The following CABLES1 variants were observed in gnomAD, a reference collection of about 807,000 sequenced individuals.
CABLES1 encodes the protein CDK5 and ABL1 enzyme substrate 1.
Under a neutral mutation model 57.8 loss-of-function variants are expected in CABLES1, and 36 were observed. The observed-to-expected ratio is 0.62, with a 90% CI of 0.48 to 0.82. CABLES1 has a LOEUF of 0.82. Among genes scored for constraint, CABLES1 ranks in the 40% least tolerant of loss-of-function variants. CABLES1 has a pLI of 0.00. For synonymous variants in CABLES1, 374 were observed against 363.0 expected, an observed-to-expected ratio of 1.03 and a Z score of -0.35; for missense variants, 767 against 836.6, an observed-to-expected ratio of 0.92 and a Z score of 1.03.
At chr18:23,146,933 ACCAAAATGCTAGGGC>A (rs890060407) in intron 1 of CABLES1, among the ~76,000 whole-genome samples, 1 of 152,182 alleles carries the variant, frequency 6.6e-6, no homozygotes, top group African/African-American at 2.4e-5. Flanking sequence ...GAGTTCGTTA[ACCAAAATGCTAGGGC>A]CTCATCTGTT....
At position 23,259,163 on chromosome 18, in the gene CABLES1, A is replaced by G. The variant is rs1000879110; in HGVS notation, c.*1796A>G. 1 of 152,198 alleles carries G rather than the reference A, an allele frequency of 6.6e-6. No homozygotes were observed. The highest frequency in any genetic ancestry group is 1.5e-5 in the Non-Finnish European group (1 of 68,056). The allele number at this position is 152,198 out of a possible 1,614,324, so 9.4% of individuals were successfully genotyped here. A position where few individuals can be genotyped will look rare whatever the true frequency, so the allele number is the denominator to read the frequency against. On this transcript the variant is annotated 3_prime_UTR_variant, in exon 10 of 10. Transcript: ENST00000256925. ...ACAAAATGCCCTTGGCCTTCCTCAC[A>G]TGGGGTCTGTCACCTTGCATCTCTG...
chr18:23,230,308 C>T (rs2047558135), intron 4 of CABLES1, among the ~76,000 whole-genome samples: 1 of 152,170 alleles, frequency 6.6e-6, no homozygotes, highest in Non-Finnish European at 1.5e-5. Flanking sequence ...GGAGGCGGAG[C>T]TTGCAGTGAG....
At chr18:23,145,529 C>T (rs1355646037) in intron 1 of CABLES1, among the ~76,000 whole-genome samples, 1 of 152,152 alleles carries the variant, frequency 6.6e-6, no homozygotes, top group African/African-American at 2.4e-5. Flanking sequence ...CCAGGGTCAC[C>T]ATTATCCATT....
chr18:23,156,194 G>A (rs1444204910), intron 1 of CABLES1, among the ~76,000 whole-genome samples: 4 of 152,214 alleles, frequency 2.6e-5, no homozygotes, highest in African/African-American at 9.7e-5. Flanking sequence ...ACCAGCCTTG[G>A]TATTTCCTAC....
At chr18:23,154,609 C>T (rs1206511505) in intron 1 of CABLES1, among the ~76,000 whole-genome samples, 1 of 152,158 alleles carries the variant, frequency 6.6e-6, no homozygotes, top group Non-Finnish European at 1.5e-5. Flanking sequence ...TCTAATGGGA[C>T]TCTTGTATCC....
At chr18:23,134,642 A>T (rs925348159), upstream of CABLES1, 3 of 152,178 alleles carry the variant, frequency 2.0e-5, no homozygotes, top group Non-Finnish European at 4.4e-5. Flanking sequence ...AATCTACAAA[A>T]ATTTGCAAGG....
chr18:23,222,108 C>T (rs2145064761), intron 4 of CABLES1, among the ~76,000 whole-genome samples: 3 of 152,336 alleles, frequency 2.0e-5, no homozygotes, highest in South Asian at 2.1e-4. Flanking sequence ...GTCCCCCAGA[C>T]TTAACAGAAA....
intron 4 of CABLES1, among the ~76,000 whole-genome samples, chr18:23,222,916 C>A (rs2047499783): frequency 6.6e-6 from 1 of 152,220 alleles, no homozygotes; most frequent in Admixed American, 6.5e-5. Flanking sequence ...CACCCAGATG[C>A]AAGTGCTAAG....
chr18:23,189,789 G>A (rs1021970905), intron 2 of CABLES1, among the ~76,000 whole-genome samples: 2 of 152,240 alleles, frequency 1.3e-5, no homozygotes, highest in Non-Finnish European at 2.9e-5. Flanking sequence ...GCTGCTGTAG[G>A]AGATGGCCTC....
At chr18:23,220,128 C>G (rs1313917625) in intron 4 of CABLES1, among the ~76,000 whole-genome samples, 1 of 152,042 alleles carries the variant, frequency 6.6e-6, no homozygotes, top group East Asian at 1.9e-4. Flanking sequence ...GCAGACTGCC[C>G]GAGTATCTAA....
At position 23,160,863 on chromosome 18, in the gene CABLES1, G is replaced by A. The variant is rs150137420; in HGVS notation, c.845+24256G>A. Among the ~76,000 whole-genome samples, 225 of 152,110 alleles carry A rather than the reference G, an allele frequency of 1.5e-3. 1 individual carries two copies. In the East Asian group the frequency reaches 0.037, roughly 25 times the overall value. ...ACCCTGGACGACATAGTGAAAGCCC[G>A]TCTCTACTAAAATACAAAAATTAGC... is the stretch of plus-strand genomic sequence containing the variant. On this transcript the variant is annotated intron_variant, in intron 1 of 9. Transcript: ENST00000256925.
At chr18:23,154,175 C>T (rs2046950968) in intron 1 of CABLES1, among the ~76,000 whole-genome samples, 1 of 152,146 alleles carries the variant, frequency 6.6e-6, no homozygotes, top group Non-Finnish European at 1.5e-5. Flanking sequence ...ATGTTTGTAT[C>T]TGATTGCCAA....
intron 7 of CABLES1, among the ~76,000 whole-genome samples, chr18:23,242,962 A>G (rs952662060): frequency 1.3e-5 from 2 of 151,898 alleles, no homozygotes; most frequent in Non-Finnish European, 2.9e-5. Flanking sequence ...TCAGCCTTCC[A>G]TGAGGTAGGT....
At chr18:23,168,179 T>A (rs2047057011) in intron 1 of CABLES1, among the ~76,000 whole-genome samples, 1 of 152,182 alleles carries the variant, frequency 6.6e-6, no homozygotes, top group Admixed American at 6.5e-5. Flanking sequence ...ATGGCAACCT[T>A]AGTCACAATA....
chr18:23,240,297 GAAGGGGGTTGGTTTTGCATAA>G (rs1295718298), intron 7 of CABLES1, among the ~76,000 whole-genome samples: 1 of 152,192 alleles, frequency 6.6e-6, no homozygotes, highest in Non-Finnish European at 1.5e-5. Context: ...CCCAAAGTAG[GAAGGGGGTTGGTTTTGCATAA>G]AATAGATTTT....
intron 7 of CABLES1, among the ~76,000 whole-genome samples, chr18:23,246,414 C>T (rs189249222): frequency 4.6e-5 from 7 of 151,670 alleles, no homozygotes; most frequent in East Asian, 2.0e-4. Context: ...TTTTTTGAGA[C>T]GGAGTCTTGC....
At chr18:23,152,469 T>C (rs1343770328) in intron 1 of CABLES1, among the ~76,000 whole-genome samples, 1 of 150,102 alleles carries the variant, frequency 6.7e-6, no homozygotes, top group Non-Finnish European at 1.5e-5. Flanking sequence ...ATCTCAAGTT[T>C]ATAATCGTTT....
At chr18:23,222,540 CTCTATATATA>C (rs1322791535) in intron 4 of CABLES1, among the ~76,000 whole-genome samples, 1 of 148,174 alleles carries the variant, frequency 6.7e-6, no homozygotes, top group African/African-American at 2.5e-5. Context: ...CTGTCTCTCT[CTCTATATATA>C]TCTATATATA....
At chr18:23,142,872 G>A (rs1423760635) in intron 1 of CABLES1, among the ~76,000 whole-genome samples, 2 of 152,060 alleles carry the variant, frequency 1.3e-5, no homozygotes, top group African/African-American at 4.8e-5. Flanking sequence ...CCTTGGACAC[G>A]GTATTTTTAT....
Sources: allele counts gnomAD v4.1 joint callset (sites outside exome capture counted in the v4.1 genomes callset), GRCh38; gene constraint gnomAD v4.1.1; transcripts MANE v1.5; gene names NCBI Gene and HGNC (gene_info 2026-07-23, HGNC 2026-07-21).